Variants in FN1 observed in about 807,000 individuals in gnomAD.
The protein encoded by FN1 is fibronectin.
Under a neutral mutation model 297.3 loss-of-function variants are expected in FN1, and 106 were observed. That is an observed-to-expected ratio of 0.36 (90% CI 0.30 to 0.42). FN1 has a LOEUF of 0.42. Ranked by LOEUF, FN1 falls within the 10% of genes least tolerant of loss-of-function variation. The pLI is 1.00. For missense variants in FN1, 2,690 were observed against 3,124.9 expected (o/e 0.86, Z 3.32); for synonymous variants, 1,149 against 1,152.6 (o/e 1.00, Z 0.06).
At position 215,370,430 on chromosome 2, in the gene FN1, G is replaced by T. The variant is rs773008445; in HGVS notation, c.6717C>A (p.Phe2239Leu). The T allele has an allele frequency of 6.2e-7, 1 of 1,612,210 alleles. No individual in the cohort carries two copies. Among genetic ancestry groups the T allele is most frequent in the Non-Finnish European group, 8.5e-7 (1 of 1,179,016 alleles). The change falls in exon 41 of 46, where the codon TTC becomes TTA. Residue 2239 changes from phenylalanine to leucine, a missense_variant and splice_region_variant. Physicochemically the swap from Phe to Leu is conservative, Grantham distance 22. Transcript: ENST00000354785. Reference sequence around the variant, plus strand: ...CACTGGTAGAAGTTCCAGGAACCCTGAACTGCAATTATCGGTACATCCAAA... The same window carrying T: ...CACTGGTAGAAGTTCCAGGAACCCTTAACTGCAATTATCGGTACATCCAAA... ...PVGTDEEPLQ[F>L]RVPGTSTSAT...
chr2:215,362,120 A>G, intron 44 of FN1, 41 bp from the exon 45 acceptor site: 1 of 1,439,504 alleles, frequency 6.9e-7, no homozygotes. Flanking sequence ...GGTTTATGAT[A>G]ACCTGAGGAC....
At chr2:215,376,366 C>CCCA in intron 36 of FN1, 132 bp downstream of exon 36, 1 of 808,250 alleles carries the variant, frequency 1.2e-6, no homozygotes, top group Non-Finnish European at 2.1e-6. Context: ...ATGAAAATAA[C>CCCA]GTTCTAAAAC....
intron 24 of FN1, 131 bp downstream of exon 24, chr2:215,394,396 GA>G: frequency 3.6e-6 from 3 of 837,988 alleles, no homozygotes; most frequent in Non-Finnish European, 6.1e-6. Flanking sequence ...CTTGGTTTTG[GA>G]AAGTGCAGCT....
At chr2:215,423,602 G>A in intron 8 of FN1, 76 bp from the exon 9 acceptor site, 1 of 1,363,448 alleles carries the variant, frequency 7.3e-7, no homozygotes, top group Non-Finnish European at 1.0e-6. Context: ...TTACTGGTCT[G>A]AGAGAGCCAG....
At chr2:215,382,794 C>T (rs2058390160) in intron 31 of FN1, among the ~76,000 whole-genome samples, 1 of 152,066 alleles carries the variant, frequency 6.6e-6, no homozygotes, top group Non-Finnish European at 1.5e-5. Context: ...CTAAATAGAA[C>T]TATCCATGTA....
chr2:215,434,957 C>G, intron 1 of FN1, 133 bp from the exon 2 acceptor site: 1 of 998,256 alleles, frequency 1.0e-6, no homozygotes, highest in Non-Finnish European at 1.5e-6. Context: ...ACAATGATGT[C>G]ATTTCCATCT....
chr2:215,425,278 G>A lies in FN1; in HGVS notation c.852C>T (p.Gly284=), dbSNP rs1034079304. 3 of 1,614,016 alleles carry A rather than the reference G, an allele frequency of 1.9e-6. No individual in the cohort carries two copies. Among genetic ancestry groups the A allele is most frequent in the Admixed American group, 3.3e-5 (2 of 60,012 alleles). Residue 284 remains glycine, a synonymous_variant, in exon 7 of 46, where the codon GGC becomes GGT. Transcript: ENST00000354785. The stretch of plus-strand genomic sequence containing the variant: ...CAGCTGCACGAACATCGGTGAAGGG[G>A]CCAGATCCTAATGGCATGAAAAGGG... ...TSVQTTSSGS[G]PFTDVRAAVY...
chr2:215,413,247 G>A (rs1020774243), intron 13 of FN1, among the ~76,000 whole-genome samples: 1 of 152,044 alleles, frequency 6.6e-6, no homozygotes, highest in African/African-American at 2.4e-5. Flanking sequence ...AGCTCCTGAG[G>A]AGCTGGGACT....
At chr2:215,434,866 T>G in intron 1 of FN1, 42 bp from the exon 2 acceptor site, 2 of 1,602,722 alleles carry the variant, frequency 1.2e-6, no homozygotes, top group South Asian at 1.1e-5. Context: ...GCATTTCTCC[T>G]TTTCCCAAAA....
At chr2:215,397,416 G>C (rs2060433628) in intron 22 of FN1, among the ~76,000 whole-genome samples, 193 bp from the exon 23 acceptor site, 1 of 143,650 alleles carries the variant, frequency 7.0e-6, no homozygotes, top group Non-Finnish European at 1.5e-5. Flanking sequence ...TATGATTAAT[G>C]ATTTTGCAAT....
In FN1 at chr2:215,390,276, C is replaced by T. The variant is rs946290878; in HGVS notation, c.4252+1356G>A. On this transcript the variant is annotated intron_variant, in intron 26 of 45. Coordinates refer to ENST00000354785, the MANE Select transcript of FN1 (RefSeq NM_212482.4). ...ATGGCTTGCTGCAGCCTCAACCTCC[C>T]CAGGCTCAGGTGATCCTCCTACCTC... Among the ~76,000 whole-genome samples the T allele has an allele frequency of 2.2e-4, 34 of 152,268 alleles. 1 individual carries two copies. Among genetic ancestry groups the T allele is most frequent in the Admixed American group, 1.0e-3 (16 of 15,292 alleles).
intron 35 of FN1, among the ~76,000 whole-genome samples, chr2:215,377,472 A>ACT (rs147695672): frequency 1.3e-3 from 193 of 147,540 alleles, no homozygotes; most frequent in Admixed American, 2.6e-3. Context: ...TCCCCCCCCA[A>ACT]CTCTCTCTCT....
At position 215,397,159 on chromosome 2, in the gene FN1, G is replaced by C; in HGVS notation, c.3582C>G (p.Ser1194=). ...ANPDTGVLTV[S]WERSTTPDIT... ...TACCTGGGGTGGTGCTCCTCTCCCA[G>C]GAGACTGTGAGCACTCCAGTGTCAG... The change falls in exon 23 of 46, where the codon TCC becomes TCG. Residue 1194 remains serine, a synonymous_variant. Coordinates refer to ENST00000354785, the MANE Select transcript of FN1 (RefSeq NM_212482.4). 1 of 1,613,726 alleles carries C rather than the reference G, an allele frequency of 6.2e-7. No homozygotes were observed. Among genetic ancestry groups the C allele is most frequent in the Non-Finnish European group, 8.5e-7 (1 of 1,179,654 alleles).
chr2:215,401,243 A>AAGGAAGGAAGGAAGGAAGGAAGG lies in FN1; in HGVS notation c.3254-1893_3254-1892insCCTTCCTTCCTTCCTTCCTTCCT, dbSNP rs1559475433. Among the ~76,000 whole-genome samples the AAGGAAGGAAGGAAGGAAGGAAGG allele has an allele frequency of 6.1e-4, 41 of 66,864 alleles. 3 individuals are homozygous for AAGGAAGGAAGGAAGGAAGGAAGG. Among genetic ancestry groups the AAGGAAGGAAGGAAGGAAGGAAGG allele is most frequent in the African/African-American group, 1.9e-3 (35 of 17,974 alleles). 43.9% of individuals were successfully genotyped at this position (66,864 alleles called of 152,430 possible). On this transcript the variant is annotated intron_variant, in intron 20 of 45. Transcript: ENST00000354785. ...GAAAGAAAGAAAGAAAGAAAGAAAG[A>AAGGAAGGAAGGAAGGAAGGAAGG]AAGAAAGGAAGAAAGAAAGGAAGGA...
chr2:215,393,232 G>T, intron 24 of FN1, 29 bp from the exon 25 acceptor site: 1 of 1,607,574 alleles, frequency 6.2e-7, no homozygotes, highest in African/African-American at 1.3e-5. Flanking sequence ...AAGGGAGGGG[G>T]AGGCAAAAGG....
intron 40 of FN1, 100 bp from the exon 41 acceptor site, chr2:215,370,532 AAGG>A: frequency 5.2e-6 from 5 of 959,216 alleles, no homozygotes; most frequent in South Asian, 3.2e-5. Context: ...AAACAAAGCA[AAGG>A]AAGACAAAAA....
In FN1 at chr2:215,362,027, C is replaced by T; in HGVS notation, c.7304G>A (p.Gly2435Asp). 6.2e-7 allele frequency: 1 copy of T among 1,614,036 alleles called. No homozygotes were observed. The highest frequency in any genetic ancestry group is 8.5e-7 in the Non-Finnish European group (1 of 1,179,984). ...CTGGTTGTAGGACTGGCCAGTAGTG[C>T]CTTCGGGACTGGGTTCACCCCCAGG... ...RRPGGEPSPE[G>D]TTGQSYNQYS... is the part of the protein sequence containing the mutation. Residue 2435 changes from glycine (G) to aspartate (D), a missense_variant, in exon 45 of 46, where the codon GGC becomes GAC. Around this residue, in one of 3 missense-constraint regions of FN1, gnomAD observed 1,743 missense variants for 1,945.2 expected, o/e 0.90. Coordinates refer to ENST00000354785, the MANE Select transcript of FN1 (RefSeq NM_212482.4).
rs1020592732 is a variant in FN1, at chr2:215,434,709, C to T, written c.264G>A (p.Glu88=). The stretch of plus-strand genomic sequence containing the variant: ...GTTGTCACTTACCTTCAGGTTTACT[C>T]TCGCAGTTAAAACCTCGGCTTCCTC... ...CYGGSRGFNC[E]SKPEAEETCF... is the part of the protein sequence containing the mutation. Residue 88 remains glutamate, a synonymous_variant, in exon 2 of 46, where the codon GAG becomes GAA. Coordinates refer to ENST00000354785, the MANE Select transcript of FN1 (RefSeq NM_212482.4). 2.2e-5 allele frequency: 35 copies of T among 1,614,194 alleles called. No homozygotes were observed. The highest frequency in any genetic ancestry group is 2.8e-5 in the Non-Finnish European group (33 of 1,180,026).
At chr2:215,398,031 G>A (rs941552959) in intron 21 of FN1, among the ~76,000 whole-genome samples, 183 bp from the exon 22 acceptor site, 2 of 152,240 alleles carry the variant, frequency 1.3e-5, no homozygotes, top group African/African-American at 4.8e-5. Context: ...CCAGGTGGGG[G>A]AGGTATCTTC....
Sources: allele counts gnomAD v4.1 joint callset (sites outside exome capture counted in the v4.1 genomes callset), GRCh38; gene constraint gnomAD v4.1.1; regional missense constraint gnomAD v4.1.1; transcripts MANE v1.5; gene names NCBI Gene and HGNC (gene_info 2026-07-23, HGNC 2026-07-21).